The following TCF20 variants were observed in gnomAD, a reference collection of about 807,000 sequenced individuals.
The protein encoded by TCF20 is SPRE-binding protein.
Under a neutral mutation model 148.6 loss-of-function variants are expected in TCF20, and 3 were observed. The ratio of observed to expected loss-of-function variants is 0.02; its 90% confidence interval spans 0.01 to 0.05. TCF20 has a LOEUF of 0.05. TCF20 is among the 10% of genes least tolerant of loss of function. The pLI, the probability that TCF20 is intolerant of heterozygous loss-of-function variation, is 1.00. For missense variants in TCF20, 2,350 were observed against 2,429.3 expected (o/e 0.97, Z 0.69); for synonymous variants, 1,049 against 909.5 (o/e 1.15, Z -2.76).
chr22:42,254,276 T>G (rs893445505), intron 1 of TCF20, among the ~76,000 whole-genome samples: 11 of 151,956 alleles, frequency 7.2e-5, no homozygotes, highest in African/African-American at 2.7e-4. Flanking sequence ...TTCTCCCAGG[T>G]AGATCCCAGG....
rs1787127262 is a variant in TCF20 at position 42,290,600 on chromosome 22, A to G, written c.-37+52879T>C. Among the ~76,000 whole-genome samples the G allele has an allele frequency of 6.6e-6, 1 of 152,100 alleles. No homozygotes were observed. The highest frequency in any genetic ancestry group is 1.5e-5 in the Non-Finnish European group (1 of 68,016). ...AGAGCCAAGGGCAGGCTGGGAGGGA[A>G]AGGCTTCTGGTTTCTGGAGGGTACC... On this transcript the variant is annotated intron_variant, in intron 1 of 1. Transcript: ENST00000515426. This position sits in a 1 kb window ranked among gnomAD's most constrained non-coding sequence, Gnocchi z 4.2.
At chr22:42,188,145 T>A (rs1051582620) in intron 2 of TCF20, among the ~76,000 whole-genome samples, 1 of 151,594 alleles carries the variant, frequency 6.6e-6, no homozygotes, top group Admixed American at 6.6e-5. Flanking sequence ...AATACAAAAA[T>A]TAGCTGGGTG....
intron 3 of TCF20, among the ~76,000 whole-genome samples, chr22:42,174,967 GGAGCTTGCAGT>G (rs1936359021): frequency 6.6e-6 from 1 of 151,690 alleles, no homozygotes; most frequent in African/African-American, 2.4e-5. Context: ...CCCGGGAGGC[GGAGCTTGCAGT>G]GAGCCGAGAT....
chr22:42,191,777 T>C (rs1453148276), intron 2 of TCF20, among the ~76,000 whole-genome samples: 1 of 152,222 alleles, frequency 6.6e-6, no homozygotes, highest in African/African-American at 2.4e-5. Flanking sequence ...CACAGAGTGC[T>C]AGAGTCCAGG....
chr22:42,215,719 C>T (rs2147226693), intron 1 of TCF20, among the ~76,000 whole-genome samples: 1 of 152,256 alleles, frequency 6.6e-6, no homozygotes, highest in South Asian at 2.1e-4. Context: ...GATCCGCCCA[C>T]CTCGGCCTCC....
At chr22:42,199,800 G>A (rs1937869560) in intron 2 of TCF20, among the ~76,000 whole-genome samples, 1 of 149,816 alleles carries the variant, frequency 6.7e-6, no homozygotes. Flanking sequence ...CAGTGAGCTG[G>A]GATCGCACCA....
chr22:42,212,521 T>G lies in TCF20; in HGVS notation c.2785A>C (p.Lys929Gln), dbSNP rs762156526. ...TTAGACTGTTCAAAGTCTTCCTCTT[T>G]TATCTGCCCGCTCTGGGATTTCAGC... ...TKLKSQSGQI[K>Q]EEDFEQSKSQ... Residue 929 changes from lysine (K) to glutamine (Q), a missense_variant, in exon 2 of 6, where the codon AAA becomes CAA. This residue lies in a region of TCF20 where 1,641 missense variants were observed against 1,662.6 expected (regional missense o/e 0.99). Coordinates refer to ENST00000677622, the MANE Select transcript of TCF20 (RefSeq NM_001378418.1). 1 of 1,614,184 alleles carries G rather than the reference T, an allele frequency of 6.2e-7. No individual in the cohort carries two copies. The highest frequency in any genetic ancestry group is 1.7e-5 in the Admixed American group (1 of 60,036).
At chr22:42,242,704 T>G (rs1428112745) in intron 1 of TCF20, among the ~76,000 whole-genome samples, 1 of 151,894 alleles carries the variant, frequency 6.6e-6, no homozygotes, top group East Asian at 1.9e-4. Flanking sequence ...CTGGCCAACA[T>G]GGTGAAACCC....
intron 1 of TCF20, among the ~76,000 whole-genome samples, chr22:42,234,150 C>T (rs529386168): frequency 2.6e-5 from 4 of 152,248 alleles, no homozygotes; most frequent in Admixed American, 6.5e-5. Context: ...GAGCAGAAGT[C>T]GAGTCCAAAC....
chr22:42,243,647 T>C (rs1276917230), intron 1 of TCF20, among the ~76,000 whole-genome samples: 1 of 151,988 alleles, frequency 6.6e-6, no homozygotes, highest in Non-Finnish European at 1.5e-5. Flanking sequence ...CTTGAGTTAA[T>C]AATAAAATAT....
chr22:42,208,623 C>T (rs1366719437), intron 2 of TCF20, among the ~76,000 whole-genome samples: 1 of 151,928 alleles, frequency 6.6e-6, no homozygotes, highest in East Asian at 1.9e-4. Flanking sequence ...CAAAACAAAA[C>T]CCACATACAA....
At chr22:42,199,520 T>C (rs1937840430) in intron 2 of TCF20, among the ~76,000 whole-genome samples, 2 of 152,000 alleles carry the variant, frequency 1.3e-5, no homozygotes, top group African/African-American at 4.8e-5. Context: ...CTCAGTGTAA[T>C]TAAATACAGT....
chr22:42,295,442 CTTTTTTTTTT>C, intron 1 of TCF20, among the ~76,000 whole-genome samples: 1 of 134,636 alleles, frequency 7.4e-6, no homozygotes, highest in African/African-American at 2.7e-5. Context: ...GTTTTCTTTT[CTTTTTTTTTT>C]TTTTTTTTGA....
chr22:42,218,025 T>C (rs951062421), intron 1 of TCF20, among the ~76,000 whole-genome samples: 4 of 152,386 alleles, frequency 2.6e-5, no homozygotes, highest in Admixed American at 1.3e-4. Context: ...CTATTCAAAA[T>C]GCCTCTGTTG....
chr22:42,306,079 C>A (rs935981243), intron 1 of TCF20, among the ~76,000 whole-genome samples: 1 of 152,234 alleles, frequency 6.6e-6, no homozygotes, highest in Non-Finnish European at 1.5e-5. Context: ...CCTGCCTCTG[C>A]GAGGGGGCAC....
chr22:42,225,088 C>T (rs1037095468), intron 1 of TCF20, among the ~76,000 whole-genome samples: 2 of 151,368 alleles, frequency 1.3e-5, no homozygotes, highest in Admixed American at 6.6e-5. Flanking sequence ...CTCTGCCTCC[C>T]AGGTTCAAGC....
intron 1 of TCF20, among the ~76,000 whole-genome samples, chr22:42,251,635 G>A (rs998454109): frequency 8.0e-5 from 12 of 149,348 alleles, no homozygotes; most frequent in African/African-American, 1.5e-4. Flanking sequence ...CCCGAGTAGC[G>A]GGGACTACAG....
At chr22:42,205,946 A>G (rs935777074) in intron 2 of TCF20, among the ~76,000 whole-genome samples, 2 of 152,028 alleles carry the variant, frequency 1.3e-5, no homozygotes, top group African/African-American at 4.8e-5. Flanking sequence ...TAATTTTTGC[A>G]TATTTTTAGT....
chr22:42,210,964 C>G lies in TCF20; in HGVS notation c.4342G>C (p.Glu1448Gln), dbSNP rs765960909. The change falls in exon 2 of 6, where the codon GAG becomes CAG. Residue 1448 changes from glutamate to glutamine, a missense_variant. Physicochemically the swap from Glu to Gln is conservative, Grantham distance 29. Coordinates refer to ENST00000677622, the MANE Select transcript of TCF20 (RefSeq NM_001378418.1). This position sits in a 1 kb window ranked among gnomAD's most constrained non-coding sequence, Gnocchi z 4.7. ...RGSVDDKVKT[E>Q]THAETVTAGK... ...GCAGTAACTGTTTCTGCATGTGTCT[C>G]TGTCTTCACTTTGTCATCCACGCTG... 5.6e-6 allele frequency: 9 copies of G among 1,614,170 alleles called. No homozygotes were observed. Among genetic ancestry groups the G allele is most frequent in the Non-Finnish European group, 7.6e-6 (9 of 1,180,038 alleles).
Sources: allele counts gnomAD v4.1 joint callset (sites outside exome capture counted in the v4.1 genomes callset), GRCh38; gene constraint gnomAD v4.1.1; regional missense constraint gnomAD v4.1.1; non-coding constraint Gnocchi (gnomAD v3.1); transcripts MANE v1.5; gene names NCBI Gene and HGNC (gene_info 2026-07-23, HGNC 2026-07-21).